The following PKIB variants were observed in gnomAD, a reference collection of about 807,000 sequenced individuals.
The protein encoded by PKIB is PKI-beta.
Under a neutral mutation model 4.5 loss-of-function variants are expected in PKIB, and 2 were observed. The observed-to-expected ratio is 0.44, with a 90% CI of 0.18 to 1.39. PKIB has a LOEUF of 1.39. Among genes scored for constraint, PKIB ranks in the 40% most tolerant of loss-of-function variants. The pLI is 0.27. For synonymous variants in PKIB, 38 were observed against 36.0 expected (o/e 1.06, Z -0.20); for missense variants, 94 against 92.6 (o/e 1.02, Z -0.06).
rs1465862710 is a variant in PKIB at position 122,717,868 on chromosome 6, G to T, written c.74G>T (p.Gly25Val). Residue 25 changes from glycine to valine, a missense_variant, in exon 4 of 5, where the codon GGC becomes GTC. Transcript: ENST00000368452. ...VANFASSARA[G>V]RRNALPDIQS... ...AATTTTGCATCTTCAGCAAGGGCAGGCCGCCGGAATGCCTTACCAGACATC... is the reference window on the plus strand; with the variant it reads ...AATTTTGCATCTTCAGCAAGGGCAGTCCGCCGGAATGCCTTACCAGACATC... 6.2e-7 allele frequency: 1 copy of T among 1,614,082 alleles called. No homozygotes were observed. The highest frequency in any genetic ancestry group is 8.5e-7 in the Non-Finnish European group (1 of 1,179,988).
chr6:122,478,703 T>C (rs1169194489), intron 2 of PKIB: 4 of 152,194 alleles, frequency 2.6e-5, no homozygotes, highest in African/African-American at 9.6e-5. Context: ...ACTTTTCCCA[T>C]TGGATATTTA....
chr6:122,610,166 T>A (rs1774687665), upstream of PKIB: 1 of 152,174 alleles, frequency 6.6e-6, no homozygotes, highest in Non-Finnish European at 1.5e-5. Context: ...TGTGTGACGA[T>A]CACCGATAAT....
At position 122,523,724 on chromosome 6, in the gene PKIB, G is replaced by A. The variant is rs536547326; in HGVS notation, c.-248+45785G>A. Among the ~76,000 whole-genome samples the A allele has an allele frequency of 4.6e-5, 7 of 151,724 alleles. No individual in the cohort carries two copies. The East Asian group carries it at 5.8e-4, about 13-fold the overall frequency. ...CTTGAACTTGGGAGATGAAGGTTGC[G>A]GTGAGCTGAGATCAAGCCACTGCAC... On this transcript the variant is annotated intron_variant, in intron 2 of 6. Transcript: ENST00000392491.
At chr6:122,686,227 A>G (rs1042675146) in intron 3 of PKIB, among the ~76,000 whole-genome samples, 4 of 152,172 alleles carry the variant, frequency 2.6e-5, no homozygotes, top group Non-Finnish European at 5.9e-5. Flanking sequence ...AGGAAACTTC[A>G]AAGTGTTCTC....
At chr6:122,503,228 C>T (rs886644489) in intron 2 of PKIB, among the ~76,000 whole-genome samples, 4 of 152,188 alleles carry the variant, frequency 2.6e-5, no homozygotes, top group Non-Finnish European at 1.5e-5. Context: ...TTGCAGGGGA[C>T]ATGAACATTC....
chr6:122,723,975 T>A (rs1341870551), intron 4 of PKIB, among the ~76,000 whole-genome samples: 1 of 152,230 alleles, frequency 6.6e-6, no homozygotes, highest in Non-Finnish European at 1.5e-5. Flanking sequence ...TTGTACGTAG[T>A]ACATGCTTAA....
chr6:122,553,421 T>C lies in PKIB; in HGVS notation c.-247-32500T>C, dbSNP rs144076777. On this transcript the variant is annotated intron_variant, in intron 2 of 6. Coordinates refer to the PKIB transcript ENST00000392491. ...TTAAATGCATGCAGTTTCCTCACTCTAGAAATACCTGAACTCATCACCTTG... is the reference window on the plus strand; with the variant it reads ...TTAAATGCATGCAGTTTCCTCACTCCAGAAATACCTGAACTCATCACCTTG... Among the ~76,000 whole-genome samples the C allele has an allele frequency of 8.4e-3, 1,254 of 148,738 alleles. 6 individuals are homozygous for C. The highest frequency in any genetic ancestry group is 0.015 in the South Asian group (68 of 4,548).
At position 122,725,408 on chromosome 6, in the gene PKIB, G is replaced by T. The variant is rs561686435; in HGVS notation, c.*213G>T. On this transcript the variant is annotated 3_prime_UTR_variant, in exon 5 of 5. Transcript: ENST00000368452. ...TTAAAAGGCAGGTTACTTCCAAATC[G>T]CACTGAAGGAAAAGGTTAAGAATAA... 14 of 518,636 alleles carry T rather than the reference G, an allele frequency of 2.7e-5. No individual in the cohort carries two copies. The highest frequency in any genetic ancestry group is 7.6e-5 in the African/African-American group (4 of 52,718). The allele number at this position is 518,636 out of a possible 1,614,324, so 32.1% of individuals were successfully genotyped here.
At chr6:122,677,338 T>G (rs1451619442) in intron 3 of PKIB, among the ~76,000 whole-genome samples, 2 of 152,194 alleles carry the variant, frequency 1.3e-5, no homozygotes, top group Non-Finnish European at 2.9e-5. Flanking sequence ...GTTTTTTGTT[T>G]TTTTTAAAAC....
At chr6:122,511,608 C>T (rs548337286) in intron 2 of PKIB, among the ~76,000 whole-genome samples, 3 of 152,068 alleles carry the variant, frequency 2.0e-5, no homozygotes, top group African/African-American at 4.8e-5. Flanking sequence ...TGAGAAGAGA[C>T]GGGTCAAGAG....
intron 2 of PKIB, among the ~76,000 whole-genome samples, chr6:122,537,408 C>T (rs1467812478): frequency 2.0e-5 from 3 of 151,920 alleles, no homozygotes; most frequent in Admixed American, 2.0e-4. Flanking sequence ...TGAGTGAGAA[C>T]ATGCGGTTTT....
At chr6:122,576,453 G>C (rs750467144) in intron 2 of PKIB, among the ~76,000 whole-genome samples, 4 of 151,992 alleles carry the variant, frequency 2.6e-5, no homozygotes, top group African/African-American at 9.6e-5. Context: ...CGGATCACGA[G>C]GTCAGGAGAT....
chr6:122,628,170 TG>T, intron 1 of PKIB, among the ~76,000 whole-genome samples: 1 of 152,158 alleles, frequency 6.6e-6, no homozygotes, highest in East Asian at 1.9e-4. Flanking sequence ...CCCAAGTAGC[TG>T]GGATTACAGG....
intron 2 of PKIB, among the ~76,000 whole-genome samples, chr6:122,495,714 A>G (rs890117864): frequency 3.9e-5 from 6 of 152,106 alleles, no homozygotes; most frequent in South Asian, 2.1e-4. Context: ...CATGAGTCCA[A>G]ATGTGGAGCC....
chr6:122,610,599 T>C (rs562051697), intron 1 of PKIB, 64 bp downstream of exon 1: 35 of 152,492 alleles, frequency 2.3e-4, no homozygotes, highest in African/African-American at 8.2e-4. Context: ...GGAGTGGGAC[T>C]TGGGAAGTCG....
intron 2 of PKIB, among the ~76,000 whole-genome samples, chr6:122,647,167 T>C (rs1292932264): frequency 6.6e-6 from 1 of 152,074 alleles, no homozygotes; most frequent in African/African-American, 2.4e-5. Flanking sequence ...GGGGCAAGAG[T>C]TCGAGCTTCA....
At chr6:122,503,502 G>A (rs561363218) in intron 2 of PKIB, among the ~76,000 whole-genome samples, 1 of 152,260 alleles carries the variant, frequency 6.6e-6, no homozygotes, top group Middle Eastern at 3.4e-3. Context: ...TGAGTCCAGG[G>A]ATTTAAATGA....
At chr6:122,564,132 C>T (rs184796375) in intron 2 of PKIB, among the ~76,000 whole-genome samples, 18 of 152,232 alleles carry the variant, frequency 1.2e-4, no homozygotes, top group African/African-American at 3.1e-4. Context: ...TATGTGTGTT[C>T]GGGAGAGGAA....
At chr6:122,515,578 T>C (rs1196936938) in intron 2 of PKIB, among the ~76,000 whole-genome samples, 2 of 152,218 alleles carry the variant, frequency 1.3e-5, no homozygotes, top group Non-Finnish European at 2.9e-5. Context: ...GAAATTACTT[T>C]AAGAACAGAT....
Sources: gnomAD v4.1 joint callset for allele counts (sites outside exome capture counted in the v4.1 genomes callset) on GRCh38, gnomAD v4.1.1 for gene constraint, MANE v1.5 for transcripts, NCBI Gene and HGNC (gene_info 2026-07-23, HGNC 2026-07-21) for gene names.